ZFYVE16: variants seen among roughly 807,000 people sequenced by gnomAD.
ZFYVE16 encodes zinc finger FYVE-type containing 16.
A neutral mutation model predicts 138.1 loss-of-function variants in ZFYVE16; 89 were observed. The ratio of observed to expected loss-of-function variants is 0.64; its 90% CI spans 0.54 to 0.77. The LOEUF is 0.77. Ranked by LOEUF, ZFYVE16 falls within the 30% of genes least tolerant of loss-of-function variation. ZFYVE16 has a pLI of 0.00. For synonymous variants in ZFYVE16, 596 were observed against 618.3 expected (o/e 0.96, Z 0.53); for missense variants, 1,793 against 1,786.7 (o/e 1.00, Z -0.06).
At chr5:80,458,032 TAAAAAAAAAAA>T (rs749338847) in intron 14 of ZFYVE16, among the ~76,000 whole-genome samples, 7 of 73,656 alleles carry the variant, frequency 9.5e-5, no homozygotes, top group African/African-American at 3.5e-4. Flanking sequence ...AGACTACGTC[TAAAAAAAAAAA>T]AAAAAAAAAA....
Position 80,469,165 on chromosome 5 carries a change from TGATCATGGCTCAC to T in ZFYVE16, c.4025-3595_4025-3583del, listed in dbSNP as rs1754046188. ...TCACCCAGGCGGGAGTGCAGTGGCA[TGATCATGGCTCAC>T]TGCAGCCTCAACCTCCAAGGCTCAG... On this transcript the variant is annotated intron_variant, in intron 15 of 18. Coordinates refer to ENST00000505560, the MANE Select transcript of ZFYVE16 (RefSeq NM_001284236.3). Among the ~76,000 whole-genome samples, 3 of 150,900 alleles carry T rather than the reference TGATCATGGCTCAC, an allele frequency of 2.0e-5. No individual in the cohort carries two copies. In the South Asian group the frequency reaches 6.4e-4, roughly 32 times the overall value.
intron 1 of ZFYVE16, among the ~76,000 whole-genome samples, chr5:80,413,091 G>A (rs557792870): frequency 2.6e-5 from 4 of 152,114 alleles, no homozygotes; most frequent in Non-Finnish European, 5.9e-5. Flanking sequence ...TGGGAGGATC[G>A]CTTGAGCCCA....
At chr5:80,456,803 A>G (rs946872011) in intron 13 of ZFYVE16, 142 bp from the exon 14 acceptor site, 4 of 1,054,396 alleles carry the variant, frequency 3.8e-6, no homozygotes, top group African/African-American at 1.6e-5. Flanking sequence ...ATTTTAAAAC[A>G]TTTGTTTCCA....
In ZFYVE16 at chr5:80,450,456, T is replaced by C; in HGVS notation, c.3252T>C (p.Phe1084=). 2 of 1,613,592 alleles carry C rather than the reference T, an allele frequency of 1.2e-6. No homozygotes were observed. Among genetic ancestry groups the C allele is most frequent in the Non-Finnish European group, 1.7e-6 (2 of 1,179,690 alleles). Residue 1084 remains phenylalanine (F), a synonymous_variant, in exon 10 of 19, where the codon TTT becomes TTC. Coordinates refer to ENST00000505560, the MANE Select transcript of ZFYVE16 (RefSeq NM_001284236.3). ...ATTCCTCAGACAAATATTGGTACTT[T>C]TCAACCAATGGATTGCATGGCTTGG... The part of the protein sequence containing the change: ...IFYSSDKYWY[F]STNGLHGLGQ...
intron 5 of ZFYVE16, chr5:80,440,430 C>T: frequency 2.0e-6 from 2 of 986,088 alleles, no homozygotes; most frequent in South Asian, 9.4e-5. Context: ...GATAATAGTT[C>T]ACACCCTTTA....
At chr5:80,466,409 A>G (rs966167214) in intron 15 of ZFYVE16, among the ~76,000 whole-genome samples, 1 of 152,038 alleles carries the variant, frequency 6.6e-6, no homozygotes, top group Non-Finnish European at 1.5e-5. Context: ...TTTAATTGTA[A>G]TTTTGAACTC....
chr5:80,423,397 T>G (rs774199838), intron 1 of ZFYVE16, among the ~76,000 whole-genome samples: 6 of 152,172 alleles, frequency 3.9e-5, no homozygotes, highest in Non-Finnish European at 8.8e-5. Flanking sequence ...AATTGATCGT[T>G]TATGTCTCTG....
At chr5:80,469,094 C>CT (rs60001690) in intron 15 of ZFYVE16, among the ~76,000 whole-genome samples, 6,652 of 136,520 alleles carry the variant, frequency 0.049, 224 homozygotes, top group African/African-American at 0.088. Context: ...TTCTTTCTCT[C>CT]TTTTTTTTTT....
intron 2 of ZFYVE16, 98 bp from the exon 3 acceptor site, chr5:80,434,009 TTC>T (rs1444059358): frequency 1.3e-4 from 98 of 774,832 alleles, no homozygotes; most frequent in Non-Finnish European, 1.6e-4. Context: ...TAAATTTTAT[TTC>T]TGTGTCAATT....
intron 14 of ZFYVE16, 114 bp downstream of exon 14, chr5:80,457,206 CAA>C (rs1262667017): frequency 7.0e-7 from 1 of 1,420,264 alleles, no homozygotes. Context: ...GGTGATAAAA[CAA>C]TATGTTTTGA....
intron 14 of ZFYVE16, among the ~76,000 whole-genome samples, chr5:80,458,032 T>TAAA (rs749338847): frequency 9.8e-4 from 72 of 73,598 alleles, no homozygotes; most frequent in African/African-American, 3.4e-3. Context: ...AGACTACGTC[T>TAAA]AAAAAAAAAA....
At position 80,477,562 on chromosome 5, in the gene ZFYVE16, T is replaced by A; in HGVS notation, c.*185T>A. On this transcript the variant is annotated 3_prime_UTR_variant, in exon 19 of 19. Coordinates refer to ENST00000505560, the MANE Select transcript of ZFYVE16 (RefSeq NM_001284236.3). ...CACAATATTTAAATATCTAAAAATT[T>A]AAGAGATCCATACTTTCTGTAGCTT... 1 of 455,642 alleles carries A rather than the reference T, an allele frequency of 2.2e-6. No individual in the cohort carries two copies. Among genetic ancestry groups the A allele is most frequent in the Non-Finnish European group, 3.6e-6 (1 of 274,504 alleles). The allele number at this position is 455,642 out of a possible 1,614,324, so 28.2% of individuals were successfully genotyped here. A position where few individuals can be genotyped will look rare whatever the true frequency, so the allele number is the denominator to read the frequency against.
chr5:80,443,945 T>A (rs1751012023), intron 6 of ZFYVE16: 1 of 389,226 alleles, frequency 2.6e-6, no homozygotes, highest in Admixed American at 3.1e-5. Flanking sequence ...TATCTCCTTT[T>A]CCTTAAAATC....
chr5:80,442,329 C>A, intron 5 of ZFYVE16, among the ~76,000 whole-genome samples: 1 of 152,102 alleles, frequency 6.6e-6, no homozygotes, highest in East Asian at 1.9e-4. Flanking sequence ...GGTCTCAAAG[C>A]AATCCTGAGC....
At chr5:80,443,842 G>A (rs767991798) in intron 6 of ZFYVE16, 1 of 456,252 alleles carries the variant, frequency 2.2e-6, no homozygotes, top group South Asian at 1.5e-5. Flanking sequence ...AGAGAGTCTG[G>A]GAATTGCACT....
chr5:80,420,632 T>G (rs918200419), intron 1 of ZFYVE16, among the ~76,000 whole-genome samples: 10 of 152,208 alleles, frequency 6.6e-5, no homozygotes, highest in Admixed American at 5.9e-4. Flanking sequence ...AACTCATCCT[T>G]TTTTATGGAT....
rs545815071 is a variant in ZFYVE16 at position 80,457,899 on chromosome 5, G to C, written c.3943+807G>C. ...AAATTAGCCGGGTGTGGTGGCGGGCGCCTGTAGTCCCAGCTACTTGGGAGG... is the reference window on the plus strand; with the variant it reads ...AAATTAGCCGGGTGTGGTGGCGGGCCCCTGTAGTCCCAGCTACTTGGGAGG... On this transcript the variant is annotated intron_variant, in intron 14 of 18. Transcript: ENST00000505560. Among the ~76,000 whole-genome samples, 448 of 151,866 alleles carry C rather than the reference G, an allele frequency of 2.9e-3. 3 individuals carry two copies. The highest frequency in any genetic ancestry group is 0.01 in the African/African-American group (430 of 41,454).
At chr5:80,469,304 C>G (rs1754061876) in intron 15 of ZFYVE16, among the ~76,000 whole-genome samples, 1 of 151,922 alleles carries the variant, frequency 6.6e-6, no homozygotes, top group African/African-American at 2.4e-5. Context: ...CAAGGTCTCA[C>G]TATGTTGCCC....
At chr5:80,421,658 C>T (rs527457584) in intron 1 of ZFYVE16, among the ~76,000 whole-genome samples, 27 of 152,264 alleles carry the variant, frequency 1.8e-4, no homozygotes, top group Admixed American at 6.5e-5. Flanking sequence ...GTCTATATCT[C>T]CATTTTGGTA....
Sources: allele counts gnomAD v4.1 joint callset (sites outside exome capture counted in the v4.1 genomes callset), GRCh38; gene constraint gnomAD v4.1.1; transcripts MANE v1.5; gene names NCBI Gene and HGNC (gene_info 2026-07-23, HGNC 2026-07-21).